RIT2: variants seen among roughly 807,000 people sequenced by gnomAD.
RIT2 encodes the protein GTP-binding protein Rit2.
In RIT2, 24 loss-of-function variants were observed where a neutral mutation model predicts 23.7. The ratio of observed to expected loss-of-function variants is 1.01; its 90% confidence interval spans 0.73 to 1.43. The LOEUF (loss-of-function observed/expected upper bound fraction) is 1.43, where lower values mean the gene tolerates loss of function less well. Ranked by LOEUF, RIT2 falls within the 40% of genes most tolerant of loss-of-function variation. The pLI is 0.00. For synonymous variants in RIT2, 107 were observed against 91.1 expected (o/e 1.17, Z -0.99); for missense variants, 236 against 266.9 (o/e 0.88, Z 0.81).
chr18:43,026,238 C>T (rs1024616482), intron 2 of RIT2, among the ~76,000 whole-genome samples: 1 of 151,766 alleles, frequency 6.6e-6, no homozygotes, highest in Non-Finnish European at 1.5e-5. Flanking sequence ...TATGAGAACC[C>T]AGAATGATGA....
At chr18:43,030,658 G>T (rs927999123) in intron 2 of RIT2, among the ~76,000 whole-genome samples, 2 of 151,976 alleles carry the variant, frequency 1.3e-5, no homozygotes, top group Admixed American at 1.3e-4. Context: ...CTTAGAAAAA[G>T]ATGACAGAAA....
chr18:42,923,581 C>G lies in RIT2; in HGVS notation c.417G>C (p.Gln139His). Residue 139 changes from glutamine (Q) to histidine (H), a missense_variant, in exon 4 of 5, where the codon CAG (glutamine) becomes CAC (histidine). Physicochemically the swap from Gln to His is conservative, Grantham distance 24. Coordinates refer to ENST00000326695, the MANE Select transcript of RIT2 (RefSeq NM_002930.4). ...VLVGNKIDLE[Q>H]FRQVSTEEGL... ...TAAAATCGGCACTCACCTGGCGGAA[C>G]TGTTCCAGATCAATTTTGTTACCCA... is the stretch of plus-strand genomic sequence containing the variant. The G allele has an allele frequency of 1.2e-6, 2 of 1,612,976 alleles. No individual in the cohort carries two copies. The highest frequency in any genetic ancestry group is 2.2e-5 in the South Asian group (2 of 91,012).
chr18:42,748,420 CA>C lies in RIT2; in HGVS notation c.427-4701del, dbSNP rs201274093. Among the ~76,000 whole-genome samples the C allele has an allele frequency of 4.7e-5, 7 of 149,110 alleles. No homozygotes were observed. The East Asian group carries it at 9.8e-4, about 21-fold the overall frequency. On this transcript the variant is annotated intron_variant, in intron 4 of 4. Coordinates refer to ENST00000326695, the MANE Select transcript of RIT2 (RefSeq NM_002930.4). The stretch of plus-strand genomic sequence containing the variant: ...TTACTCCTGCACGAATGGTCATTAT[CA>C]AAAAAAAACAAACAATAATAGATGT...
intron 4 of RIT2, among the ~76,000 whole-genome samples, chr18:42,767,518 C>T (rs374373276): frequency 6.6e-6 from 1 of 152,160 alleles, no homozygotes. Flanking sequence ...TTTACAGGCT[C>T]ATAGGCTGAA....
chr18:42,944,200 T>A (rs956135036), intron 3 of RIT2, among the ~76,000 whole-genome samples: 1 of 152,134 alleles, frequency 6.6e-6, no homozygotes, highest in Non-Finnish European at 1.5e-5. Flanking sequence ...TTTCTGTTCC[T>A]GTCACTTACC....
chr18:42,906,060 T>G lies in RIT2; in HGVS notation c.426+17512A>C, dbSNP rs571069642. On this transcript the variant is annotated intron_variant, in intron 4 of 4. Transcript: ENST00000326695. ...TACATATATATATCTGCTTATACACTTATTTTTCCAGCAATGTTTTCATTT... is the reference window on the plus strand; with the variant it reads ...TACATATATATATCTGCTTATACACGTATTTTTCCAGCAATGTTTTCATTT... 1.8e-3 allele frequency among the ~76,000 whole-genome samples: 263 copies of G among 146,056 alleles called. 2 individuals carry two copies. Among genetic ancestry groups the G allele is most frequent in the African/African-American group, 6.2e-3 (246 of 39,742 alleles).
intron 4 of RIT2, among the ~76,000 whole-genome samples, chr18:42,748,071 T>A (rs929930279): frequency 1.3e-5 from 2 of 151,808 alleles, no homozygotes; most frequent in Admixed American, 1.3e-4. Flanking sequence ...TTTCTGCACA[T>A]CAAAATAAAC....
intron 4 of RIT2, among the ~76,000 whole-genome samples, chr18:42,863,621 A>G (rs1054829904): frequency 6.6e-6 from 1 of 152,146 alleles, no homozygotes; most frequent in Non-Finnish European, 1.5e-5. Context: ...GAAGCCACAC[A>G]TGCTTTCTTG....
At chr18:43,057,874 C>T (rs1912546640) in intron 1 of RIT2, among the ~76,000 whole-genome samples, 1 of 146,010 alleles carries the variant, frequency 6.8e-6, no homozygotes, top group Non-Finnish European at 1.5e-5. Flanking sequence ...TAAATGAGCT[C>T]AGAAGCCAGC....
At chr18:42,872,437 T>C (rs1469079304) in intron 4 of RIT2, among the ~76,000 whole-genome samples, 3 of 152,188 alleles carry the variant, frequency 2.0e-5, no homozygotes, top group Non-Finnish European at 2.9e-5. Context: ...TCTACAACAG[T>C]TGAATAGAAG....
chr18:42,889,534 T>C (rs921855294), intron 4 of RIT2, among the ~76,000 whole-genome samples: 5 of 152,070 alleles, frequency 3.3e-5, no homozygotes, highest in Admixed American at 2.6e-4. Flanking sequence ...CAGACTTACA[T>C]TCCTAGATAT....
At chr18:43,095,201 C>A (rs1913523414) in intron 1 of RIT2, among the ~76,000 whole-genome samples, 1 of 152,122 alleles carries the variant, frequency 6.6e-6, no homozygotes, top group South Asian at 2.1e-4. Flanking sequence ...GTTCCTATTT[C>A]TCCACATCCT....
chr18:42,947,726 C>T (rs754993163), intron 3 of RIT2, among the ~76,000 whole-genome samples: 6 of 152,042 alleles, frequency 3.9e-5, no homozygotes, highest in Non-Finnish European at 7.4e-5. Flanking sequence ...GTCAGTAGCA[C>T]GTGGACTATG....
chr18:42,868,859 C>T (rs1907541855), intron 4 of RIT2, among the ~76,000 whole-genome samples: 1 of 151,944 alleles, frequency 6.6e-6, no homozygotes, highest in South Asian at 2.1e-4. Flanking sequence ...GCCTTTTTTT[C>T]CCCAGCCTTT....
At chr18:42,795,351 G>A (rs1004708078) in intron 4 of RIT2, among the ~76,000 whole-genome samples, 1 of 152,212 alleles carries the variant, frequency 6.6e-6, no homozygotes, top group Non-Finnish European at 1.5e-5. Context: ...TGCCAGCCCC[G>A]GGCAATGAGG....
chr18:43,113,025 A>G (rs968245283), intron 1 of RIT2, among the ~76,000 whole-genome samples: 4 of 152,124 alleles, frequency 2.6e-5, no homozygotes, highest in African/African-American at 9.7e-5. Context: ...TAGGTTTTAA[A>G]ACGTATATTT....
intron 4 of RIT2, among the ~76,000 whole-genome samples, chr18:42,806,419 T>C (rs56889696): frequency 0.072 from 10,962 of 151,784 alleles, 1,254 homozygotes; most frequent in African/African-American, 0.25. Context: ...CAGTGAGCTG[T>C]GATTGTGCCA....
chr18:43,115,237 C>G (rs1914040644), intron 1 of RIT2, among the ~76,000 whole-genome samples, 180 bp downstream of exon 1: 1 of 152,122 alleles, frequency 6.6e-6, no homozygotes, highest in Non-Finnish European at 1.5e-5. Context: ...CTGCATTATC[C>G]TGACTCATCA....
intron 4 of RIT2, among the ~76,000 whole-genome samples, chr18:42,773,542 T>C (rs1170275922): frequency 6.6e-6 from 1 of 152,122 alleles, no homozygotes; most frequent in Non-Finnish European, 1.5e-5. Flanking sequence ...TTTAAGCAAA[T>C]TTGTTTTAAA....
Sources: allele counts gnomAD v4.1 joint callset (sites outside exome capture counted in the v4.1 genomes callset), GRCh38; gene constraint gnomAD v4.1.1; transcripts MANE v1.5; gene names NCBI Gene and HGNC (gene_info 2026-07-23, HGNC 2026-07-21).